Variants in ZNF713 observed in about 807,000 individuals in gnomAD.
ZNF713 encodes the protein zinc finger protein 713.
A neutral mutation model predicts 28.7 loss-of-function variants in ZNF713; 21 were observed. That is an observed-to-expected ratio of 0.73 (90% CI 0.52 to 1.05). The LOEUF is 1.05. Among genes scored for constraint, ZNF713 ranks in the 50% least tolerant of loss-of-function variants. ZNF713 has a pLI of 0.00. For synonymous variants in ZNF713, 167 were observed against 178.0 expected (o/e 0.94, Z 0.49); for missense variants, 458 against 532.4 (o/e 0.86, Z 1.37).
intron 1 of ZNF713, among the ~76,000 whole-genome samples, chr7:55,904,850 C>T (rs1336274682): frequency 6.6e-6 from 1 of 152,114 alleles, no homozygotes; most frequent in Non-Finnish European, 1.5e-5. Context: ...CCTCAGCCTC[C>T]CAAGTAGCTG....
At chr7:55,909,535 C>T (rs1323464417) in intron 2 of ZNF713, among the ~76,000 whole-genome samples, 4 of 151,950 alleles carry the variant, frequency 2.6e-5, no homozygotes, top group South Asian at 4.1e-4. Context: ...TTTTTTGGTT[C>T]CCTAGGAATT....
chr7:55,937,384 G>A (rs1562750366), intron 6 of ZNF713, among the ~76,000 whole-genome samples: 2 of 152,042 alleles, frequency 1.3e-5, no homozygotes, highest in Non-Finnish European at 2.9e-5. Flanking sequence ...GTAGTTAAGC[G>A]GGGAAAGAAG....
chr7:55,892,277 C>CA (rs71561974), intron 1 of ZNF713, among the ~76,000 whole-genome samples: 14,606 of 59,920 alleles, frequency 0.24, 2,706 homozygotes, highest in African/African-American at 0.34. Context: ...GACTCCATCT[C>CA]AAAAAAAAAA....
At chr7:55,888,268 A>C (rs1332528454) in intron 1 of ZNF713, among the ~76,000 whole-genome samples, 1 of 151,950 alleles carries the variant, frequency 6.6e-6, no homozygotes, top group African/African-American at 2.4e-5. Flanking sequence ...TTAGGTAGAG[A>C]TTACCTTTTT....
intron 1 of ZNF713, among the ~76,000 whole-genome samples, chr7:55,897,110 AAATT>A (rs538269255): frequency 7.7e-4 from 118 of 152,290 alleles, no homozygotes; most frequent in African/African-American, 2.8e-3. Context: ...TTCCAATACT[AAATT>A]AGTAAGAGGG....
chr7:55,904,463 TAAAAAAAAAA>T (rs71015118), intron 1 of ZNF713, among the ~76,000 whole-genome samples: 16 of 41,292 alleles, frequency 3.9e-4, no homozygotes, highest in Admixed American at 1.4e-3. Context: ...ACTGTATCTT[TAAAAAAAAAA>T]AAAAAAAAAA....
chr7:55,892,590 AGGCTG>A (rs1785406469), intron 1 of ZNF713, among the ~76,000 whole-genome samples: 1 of 149,236 alleles, frequency 6.7e-6, no homozygotes, highest in Non-Finnish European at 1.5e-5. Flanking sequence ...AAAGCAGAAT[AGGCTG>A]GGCGCGGTGG....
intron 4 of ZNF713, among the ~76,000 whole-genome samples, chr7:55,914,494 G>T: frequency 6.6e-6 from 1 of 152,256 alleles, no homozygotes; most frequent in South Asian, 2.1e-4. Flanking sequence ...CACACACAGC[G>T]TGGGGGGCTT....
At chr7:55,900,700 G>T (rs1477368792) in intron 1 of ZNF713, among the ~76,000 whole-genome samples, 2 of 152,182 alleles carry the variant, frequency 1.3e-5, no homozygotes, top group African/African-American at 4.8e-5. Flanking sequence ...CTGTGTGGGA[G>T]GGGGCTAAAG....
intron 1 of ZNF713, among the ~76,000 whole-genome samples, chr7:55,903,962 C>G (rs1304849610): frequency 6.6e-6 from 1 of 152,072 alleles, no homozygotes; most frequent in Non-Finnish European, 1.5e-5. Flanking sequence ...AAGTGTGGGA[C>G]TGATATGATC....
At chr7:55,892,555 C>CGGA (rs574054003) in intron 1 of ZNF713, among the ~76,000 whole-genome samples, 4 of 74,364 alleles carry the variant, frequency 5.4e-5, no homozygotes, top group Non-Finnish European at 9.2e-5. Flanking sequence ...AAGCACTGAC[C>CGGA]AAAAAAAAAA....
At position 55,939,116 on chromosome 7, in the gene ZNF713, G is replaced by A; in HGVS notation, c.442G>A (p.Asp148Asn). Residue 148 changes from aspartate (D) to asparagine (N), a missense_variant, in exon 7 of 7, where the codon GAT becomes AAT. Asp to Asn is a conservative substitution (Grantham distance 23). Transcript: ENST00000429591. ...GTACTCCATCCTAGGAGGACTCTGG[G>A]ATTTTGATTACCATCCAGAGTTTAA... ...FWYSILGGLW[D>N]FDYHPEFNQE... 1.9e-6 allele frequency: 3 copies of A among 1,614,076 alleles called. No individual in the cohort carries two copies. Among genetic ancestry groups the A allele is most frequent in the Non-Finnish European group, 2.5e-6 (3 of 1,180,008 alleles).
intron 4 of ZNF713, among the ~76,000 whole-genome samples, chr7:55,914,110 C>CAAAAAA (rs755685299): frequency 1.7e-5 from 1 of 60,186 alleles, no homozygotes; most frequent in Admixed American, 1.8e-4. Flanking sequence ...GACTCCATCT[C>CAAAAAA]AAAAAAAAAA....
rs6972914 is a variant in ZNF713, at chr7:55,887,588, T to G, written c.-675T>G. On this transcript the variant is annotated 5_prime_UTR_variant, in exon 1 of 7. Transcript: ENST00000429591. Reference sequence around the variant, plus strand: ...TGCGGGGCCCTCGGCACCTTCTCCCTCCCGGGTCCACCGCGGCGGCGGCGG... The same window carrying G: ...TGCGGGGCCCTCGGCACCTTCTCCCGCCCGGGTCCACCGCGGCGGCGGCGG... 138,468 of 180,276 alleles carry G rather than the reference T, an allele frequency of 0.77. 56,543 individuals are homozygous for G. The highest frequency in any genetic ancestry group is 0.95 in the African/African-American group (39,409 of 41,538). The allele number at this position is 180,276 out of a possible 1,614,324, so 11.2% of individuals were successfully genotyped here. A position where few individuals can be genotyped will look rare whatever the true frequency, so the allele number is the denominator to read the frequency against.
intron 1 of ZNF713, among the ~76,000 whole-genome samples, chr7:55,895,451 CTTTTTTTTTTTTTTT>C (rs55972416): frequency 1.2e-4 from 10 of 82,398 alleles, no homozygotes; most frequent in East Asian, 7.0e-4. Flanking sequence ...CTGTTATACT[CTTTTTTTTTTTTTTT>C]TTTTTTTTTT....
At chr7:55,909,285 A>G (rs1785741325) in intron 2 of ZNF713, among the ~76,000 whole-genome samples, 1 of 151,830 alleles carries the variant, frequency 6.6e-6, no homozygotes, top group Admixed American at 6.6e-5. Context: ...CATTTATTGA[A>G]TAGGATGTCC....
intron 1 of ZNF713, among the ~76,000 whole-genome samples, chr7:55,891,664 G>T (rs1785382154): frequency 1.3e-5 from 2 of 152,052 alleles, no homozygotes; most frequent in Admixed American, 6.5e-5. Flanking sequence ...CTGCACTGCA[G>T]CCTGGGTGAT....
intron 4 of ZNF713, among the ~76,000 whole-genome samples, chr7:55,916,984 G>A (rs1214195864): frequency 6.6e-6 from 1 of 152,128 alleles, no homozygotes; most frequent in Non-Finnish European, 1.5e-5. Context: ...GGAGGCCTAG[G>A]TGGGCAGATC....
intron 6 of ZNF713, among the ~76,000 whole-genome samples, chr7:55,927,358 C>G (rs1054793088): frequency 6.6e-6 from 1 of 151,210 alleles, no homozygotes; most frequent in Non-Finnish European, 1.5e-5. Context: ...AGACCCCCAT[C>G]TCTACAAAAA....
Sources: allele counts gnomAD v4.1 joint callset (sites outside exome capture counted in the v4.1 genomes callset), GRCh38; gene constraint gnomAD v4.1.1; transcripts MANE v1.5; gene names NCBI Gene and HGNC (gene_info 2026-07-23, HGNC 2026-07-21).